The following DSCAM variants were observed in gnomAD, a reference collection of about 807,000 sequenced individuals.
The protein encoded by DSCAM is cell adhesion molecule DSCAM.
DSCAM carries 47 observed loss-of-function variants against 217.7 expected under a neutral mutation model. The observed-to-expected ratio is 0.22, with a 90% CI of 0.17 to 0.28. The LOEUF (loss-of-function observed/expected upper bound fraction) is 0.28, where lower values mean the gene tolerates loss of function less well. DSCAM is among the 10% of genes least tolerant of loss of function. DSCAM has a pLI of 1.00. For missense variants in DSCAM, 2,080 were observed against 2,618.3 expected (o/e 0.79, Z 4.49); for synonymous variants, 1,056 against 1,015.3 (o/e 1.04, Z -0.76).
chr21:40,573,033 G>A (rs1024830232), intron 3 of DSCAM, among the ~76,000 whole-genome samples: 1 of 152,072 alleles, frequency 6.6e-6, no homozygotes, highest in Non-Finnish European at 1.5e-5. Flanking sequence ...AAATCATAAT[G>A]ATAAAATTCA....
intron 3 of DSCAM, among the ~76,000 whole-genome samples, chr21:40,487,587 A>C (rs975136311): frequency 6.6e-6 from 1 of 152,144 alleles, no homozygotes; most frequent in African/African-American, 2.4e-5. Flanking sequence ...GATACATGAG[A>C]AGATTTGAAT....
In DSCAM at chr21:40,313,297, G is replaced by T. The variant is rs145453050; in HGVS notation, c.1784-938C>A. The stretch of plus-strand genomic sequence containing the variant: ...CGTGTGTAACTTTTAATTGTGAACT[G>T]GTCCGTGGCAGGTTATTTGACTTGC... On this transcript the variant is annotated intron_variant, in intron 8 of 32. Transcript: ENST00000400454. 1.3e-5 allele frequency among the ~76,000 whole-genome samples: 2 copies of T among 152,174 alleles called. 1 individual carries two copies. Among genetic ancestry groups the T allele is most frequent in the African/African-American group, 4.8e-5 (2 of 41,494 alleles).
chr21:40,093,730 G>T lies in DSCAM; in HGVS notation c.3841C>A (p.Leu1281Ile). 6.2e-7 allele frequency: 1 copy of T among 1,613,728 alleles called. No individual in the cohort carries two copies. The highest frequency in any genetic ancestry group is 8.5e-7 in the Non-Finnish European group (1 of 1,179,868). Residue 1281 changes from leucine to isoleucine, a missense_variant, in exon 21 of 33, where the codon CTA (leucine) becomes ATA (isoleucine). By Grantham distance (5) the Leu-to-Ile change is conservative (BLOSUM62 2). This residue lies in a region of DSCAM where 1,144 missense variants were observed against 1,421.1 expected (regional missense o/e 0.81). Coordinates refer to ENST00000400454, the MANE Select transcript of DSCAM (RefSeq NM_001389.5). The stretch of plus-strand genomic sequence containing the variant: ...TATAGCCACTGCCTACCTTTTGCTA[G>T]TGGCTCGACTGTGATGATTTCACTG... ...NSSEIITVEP[L>I]AKAPARILTF...
chr21:40,670,589 A>G (rs1341288218), intron 3 of DSCAM, among the ~76,000 whole-genome samples: 1 of 151,644 alleles, frequency 6.6e-6, no homozygotes, highest in South Asian at 2.1e-4. Flanking sequence ...GGAATCATAT[A>G]GTATTTGTCT....
chr21:40,721,801 C>T (rs902358827), intron 1 of DSCAM, among the ~76,000 whole-genome samples: 1 of 151,822 alleles, frequency 6.6e-6, no homozygotes, highest in Non-Finnish European at 1.5e-5. Context: ...ACACTAGAAC[C>T]TCAACTATCC....
chr21:40,028,350 G>T (rs902126570), intron 32 of DSCAM, among the ~76,000 whole-genome samples: 1 of 132,796 alleles, frequency 7.5e-6, no homozygotes, highest in African/African-American at 2.9e-5. Flanking sequence ...AGGCAGGCAG[G>T]CCTCCTTGAG....
chr21:40,603,439 T>C (rs2077077506), intron 3 of DSCAM, among the ~76,000 whole-genome samples: 1 of 152,214 alleles, frequency 6.6e-6, no homozygotes, highest in African/African-American at 2.4e-5. Context: ...AGCCCCTAAC[T>C]ATAACAGCAA....
At chr21:40,396,684 T>C (rs1022866773) in intron 3 of DSCAM, among the ~76,000 whole-genome samples, 3 of 152,022 alleles carry the variant, frequency 2.0e-5, no homozygotes, top group Non-Finnish European at 4.4e-5. Context: ...CTGCTGCTAC[T>C]ACTACTACTA....
At chr21:40,757,712 C>T (rs1459698486) in intron 1 of DSCAM, among the ~76,000 whole-genome samples, 1 of 152,210 alleles carries the variant, frequency 6.6e-6, no homozygotes, top group Non-Finnish European at 1.5e-5. Context: ...GAGTGCCTCT[C>T]CTTACTAGAA....
At chr21:40,097,864 C>A (rs1430893812) in intron 20 of DSCAM, among the ~76,000 whole-genome samples, 2 of 147,756 alleles carry the variant, frequency 1.4e-5, no homozygotes, top group Non-Finnish European at 3.0e-5. Flanking sequence ...TGGCATGAAC[C>A]CAGGAGGCGG....
chr21:40,758,363 G>A (rs186429041), intron 1 of DSCAM, among the ~76,000 whole-genome samples: 1 of 152,178 alleles, frequency 6.6e-6, no homozygotes, highest in Admixed American at 6.5e-5. Context: ...GAGGAACACA[G>A]AATAAAGACC....
chr21:40,677,591 TA>T (rs575494269), intron 3 of DSCAM, among the ~76,000 whole-genome samples: 201 of 152,204 alleles, frequency 1.3e-3, no homozygotes, highest in Non-Finnish European at 2.0e-3. Flanking sequence ...TTCCATCTAT[TA>T]AAAAAATATG....
chr21:40,430,469 T>C (rs984422217), intron 3 of DSCAM, among the ~76,000 whole-genome samples: 1 of 152,202 alleles, frequency 6.6e-6, no homozygotes, highest in Middle Eastern at 3.2e-3. Context: ...GCTTACATCT[T>C]TCTCCCTGGC....
intron 2 of DSCAM, among the ~76,000 whole-genome samples, chr21:40,707,865 T>TA (rs1292782984): frequency 6.6e-6 from 1 of 152,118 alleles, no homozygotes; most frequent in Non-Finnish European, 1.5e-5. Context: ...CAATGGTGAT[T>TA]AAAAAAAGAC....
At chr21:40,097,298 T>C (rs2089688295) in intron 20 of DSCAM, among the ~76,000 whole-genome samples, 1 of 152,186 alleles carries the variant, frequency 6.6e-6, no homozygotes, top group South Asian at 2.1e-4. Flanking sequence ...TTATACTATA[T>C]GCAAAGTGTG....
intron 10 of DSCAM, among the ~76,000 whole-genome samples, chr21:40,288,240 A>G (rs1201938763): frequency 2.0e-5 from 3 of 152,196 alleles, no homozygotes; most frequent in Non-Finnish European, 2.9e-5. Flanking sequence ...TGACAAATGG[A>G]AAGAATGCAA....
chr21:40,635,602 T>C (rs1400997289), intron 3 of DSCAM, among the ~76,000 whole-genome samples: 3 of 152,188 alleles, frequency 2.0e-5, no homozygotes, highest in African/African-American at 7.2e-5. Context: ...TGTGTGTGTG[T>C]CTGATTCGTG....
At chr21:40,294,999 G>C (rs914094477) in intron 10 of DSCAM, among the ~76,000 whole-genome samples, 15 of 152,170 alleles carry the variant, frequency 9.9e-5, no homozygotes, top group Non-Finnish European at 1.8e-4. Flanking sequence ...TCAAAAGAGA[G>C]ATGCCAGGAG....
chr21:40,088,316 G>T (rs2089560244), intron 21 of DSCAM, among the ~76,000 whole-genome samples: 1 of 152,136 alleles, frequency 6.6e-6, no homozygotes, highest in East Asian at 1.9e-4. Context: ...ACCATTTCTG[G>T]GTTGAGGGTT....
Sources: gnomAD v4.1 joint callset for allele counts (sites outside exome capture counted in the v4.1 genomes callset) on GRCh38, gnomAD v4.1.1 for gene constraint, gnomAD v4.1.1 regional missense constraint, MANE v1.5 for transcripts, NCBI Gene and HGNC (gene_info 2026-07-23, HGNC 2026-07-21) for gene names.